COBL: variants seen among roughly 807,000 people sequenced by gnomAD.
COBL encodes protein cordon-bleu.
A neutral mutation model predicts 98.8 loss-of-function variants in COBL; 51 were observed. The observed-to-expected ratio is 0.52, with a 90% CI of 0.41 to 0.65. COBL has a LOEUF of 0.65. COBL is among the 30% of genes least tolerant of loss of function. COBL has a pLI of 0.00. For missense variants in COBL, 1,617 were observed against 1,617.5 expected, an observed-to-expected ratio of 1.00 and a Z score of 0.01; for synonymous variants, 634 against 651.7, an observed-to-expected ratio of 0.97 and a Z score of 0.41.
chr7:51,053,604 G>A (rs1160932259), intron 7 of COBL, among the ~76,000 whole-genome samples: 2 of 152,226 alleles, frequency 1.3e-5, no homozygotes, highest in Non-Finnish European at 1.5e-5. Context: ...CAATATTACA[G>A]GTCACTTTCT....
chr7:51,247,061 C>T (rs1014227074), intron 1 of COBL, among the ~76,000 whole-genome samples: 1 of 152,220 alleles, frequency 6.6e-6, no homozygotes, highest in East Asian at 1.9e-4. Flanking sequence ...CCAGCGGATA[C>T]CTGTGGTCAT....
chr7:51,307,724 T>A (rs1802620757), intron 1 of COBL, among the ~76,000 whole-genome samples: 4 of 152,266 alleles, frequency 2.6e-5, no homozygotes, highest in Admixed American at 2.6e-4. Flanking sequence ...ATTCACAAAT[T>A]AACTGCATTC....
At chr7:51,019,139 G>A (rs1179843965) in intron 12 of COBL, among the ~76,000 whole-genome samples, 1 of 150,996 alleles carries the variant, frequency 6.6e-6, no homozygotes, top group African/African-American at 2.4e-5. Context: ...ATTAATAGGG[G>A]GAGTGTTACA....
At chr7:51,232,748 T>A (rs1469579232) in intron 1 of COBL, among the ~76,000 whole-genome samples, 2 of 151,864 alleles carry the variant, frequency 1.3e-5, no homozygotes, top group Non-Finnish European at 2.9e-5. Flanking sequence ...GAGACGGAGG[T>A]TGCAGTGAGC....
chr7:51,301,028 C>T (rs551629332), intron 1 of COBL, among the ~76,000 whole-genome samples: 16 of 152,266 alleles, frequency 1.1e-4, no homozygotes, highest in African/African-American at 3.6e-4. Context: ...TTGTGTCCCA[C>T]GTGCCTCACT....
At chr7:51,278,032 G>C (rs1247510768) in intron 1 of COBL, among the ~76,000 whole-genome samples, 1 of 152,198 alleles carries the variant, frequency 6.6e-6, no homozygotes, top group Non-Finnish European at 1.5e-5. Context: ...CAAATCAACA[G>C]CGGGCCCCTA....
chr7:51,028,467 C>G lies in COBL; in HGVS notation c.2629G>C (p.Gly877Arg). The G allele has an allele frequency of 6.2e-7, 1 of 1,614,268 alleles. No individual in the cohort carries two copies. The highest frequency in any genetic ancestry group is 8.5e-7 in the Non-Finnish European group (1 of 1,180,054). ...YVASAIAKRI[G>R]APKVHADVVR... The stretch of plus-strand genomic sequence containing the variant: ...ACATCAGCATGGACTTTTGGGGCTC[C>G]TATGCGCTTGGCAATGGCAGAGGCC... Residue 877 changes from glycine to arginine, a missense_variant, in exon 10 of 13, where the codon GGA becomes CGA. Gly to Arg is a moderately radical substitution (Grantham distance 125). Transcript: ENST00000265136.
intron 1 of COBL, among the ~76,000 whole-genome samples, chr7:51,246,404 C>G (rs889794214): frequency 2.0e-5 from 3 of 152,214 alleles, no homozygotes; most frequent in African/African-American, 7.2e-5. Context: ...TTCCCCTCCC[C>G]TGGGCCTCCT....
chr7:51,121,602 G>C (rs988987520), intron 6 of COBL, among the ~76,000 whole-genome samples: 5 of 152,188 alleles, frequency 3.3e-5, no homozygotes, highest in African/African-American at 1.2e-4. Context: ...ACCCAGAGCA[G>C]TCAAGGCTGA....
chr7:51,264,338 T>C (rs577320401), intron 1 of COBL, among the ~76,000 whole-genome samples: 65 of 152,042 alleles, frequency 4.3e-4, no homozygotes, highest in African/African-American at 1.5e-3. Context: ...TACGTAACAG[T>C]TGGATGTTTT....
chr7:51,298,073 G>A (rs559466202), intron 1 of COBL, among the ~76,000 whole-genome samples: 1 of 152,298 alleles, frequency 6.6e-6, no homozygotes, highest in South Asian at 2.1e-4. Context: ...GGTCATAAAA[G>A]GCCTTGCATT....
At chr7:51,248,461 G>C (rs1161431560) in intron 1 of COBL, among the ~76,000 whole-genome samples, 4 of 152,140 alleles carry the variant, frequency 2.6e-5, no homozygotes, top group Non-Finnish European at 5.9e-5. Context: ...AAAAAAAACT[G>C]TCAGACGATC....
chr7:51,053,818 G>A (rs1332288680), intron 7 of COBL, among the ~76,000 whole-genome samples: 1 of 152,192 alleles, frequency 6.6e-6, no homozygotes, highest in Non-Finnish European at 1.5e-5. Flanking sequence ...GGAGGTTGGT[G>A]GTAACAGACA....
At chr7:51,147,204 GC>G (rs1240217928) in intron 5 of COBL, among the ~76,000 whole-genome samples, 2 of 152,208 alleles carry the variant, frequency 1.3e-5, no homozygotes, top group African/African-American at 4.8e-5. Flanking sequence ...ACAGCTGGGA[GC>G]CAGCGCACTG....
intron 1 of COBL, among the ~76,000 whole-genome samples, chr7:51,309,467 C>T (rs1802812634): frequency 6.6e-6 from 1 of 152,124 alleles, no homozygotes; most frequent in Non-Finnish European, 1.5e-5. Flanking sequence ...AAAATAAGAC[C>T]TCTTAACACC....
Position 51,219,802 on chromosome 7 carries a change from T to G in COBL, c.184A>C (p.Thr62Pro). ...VRMKEALRASTMDVTVVLPSG... is the reference protein window; with the variant it reads ...VRMKEALRASPMDVTVVLPSG... ...GGCAGGACCACGGTGACGTCCATGG[T>G]GCTGGCCCTCAGCGCCTCCTTCATG... Residue 62 changes from threonine (T) to proline (P), a missense_variant, in exon 2 of 13, where the codon ACC (threonine) becomes CCC (proline). Thr to Pro is a conservative substitution (Grantham distance 38). This residue lies in a region of COBL where 238 missense variants were observed against 215.0 expected (regional missense o/e 1.11). Coordinates refer to ENST00000265136, the MANE Select transcript of COBL (RefSeq NM_015198.5). The G allele has an allele frequency of 6.2e-7, 1 of 1,614,168 alleles. No individual in the cohort carries two copies. The highest frequency in any genetic ancestry group is 1.7e-4 in the Middle Eastern group (1 of 6,058).
chr7:51,024,818 T>A (rs1464523603), intron 12 of COBL, among the ~76,000 whole-genome samples: 1 of 152,174 alleles, frequency 6.6e-6, no homozygotes, highest in African/African-American at 2.4e-5. Flanking sequence ...AGGGTGGAAC[T>A]GAGCTTGGGT....
At chr7:51,139,069 G>A (rs1206466017) in intron 5 of COBL, among the ~76,000 whole-genome samples, 6 of 152,142 alleles carry the variant, frequency 3.9e-5, no homozygotes, top group South Asian at 2.1e-4. Context: ...TTGATTTCAG[G>A]TTTTAATTCA....
At chr7:51,302,380 G>A (rs1412319661) in intron 1 of COBL, among the ~76,000 whole-genome samples, 1 of 151,864 alleles carries the variant, frequency 6.6e-6, no homozygotes, top group Admixed American at 6.6e-5. Flanking sequence ...TCGGGAGTTC[G>A]AGACCAACCT....
Sources: gnomAD v4.1 joint callset for allele counts (sites outside exome capture counted in the v4.1 genomes callset) on GRCh38, gnomAD v4.1.1 for gene constraint, gnomAD v4.1.1 regional missense constraint, MANE v1.5 for transcripts, NCBI Gene and HGNC (gene_info 2026-07-23, HGNC 2026-07-21) for gene names.